ADAMTS19: variants seen among roughly 807,000 people sequenced by gnomAD.
ADAMTS19 encodes the protein A disintegrin and metalloproteinase with thrombospondin motifs 19.
A neutral mutation model predicts 153.3 loss-of-function variants in ADAMTS19; 93 were observed. The ratio of observed to expected loss-of-function variants is 0.61; its 90% confidence interval spans 0.51 to 0.72. The LOEUF (loss-of-function observed/expected upper bound fraction) is 0.72. ADAMTS19 is among the 30% of genes least tolerant of loss of function. The pLI is 0.00. For missense variants in ADAMTS19, 1,482 were observed against 1,552.1 expected, an observed-to-expected ratio of 0.95 and a Z score of 0.76; for synonymous variants, 600 against 556.6, an observed-to-expected ratio of 1.08 and a Z score of -1.10.
intron 16 of ADAMTS19, among the ~76,000 whole-genome samples, chr5:129,678,602 G>T (rs574711350): frequency 6.6e-6 from 1 of 151,946 alleles, no homozygotes; most frequent in East Asian, 1.9e-4. Flanking sequence ...GCTGTGCTCA[G>T]AAATAAACAC....
intron 14 of ADAMTS19, among the ~76,000 whole-genome samples, chr5:129,657,378 G>A (rs1187552019): frequency 1.3e-5 from 2 of 152,010 alleles, no homozygotes; most frequent in Non-Finnish European, 2.9e-5. Context: ...TAAAATAATT[G>A]GAACCTATTA....
chr5:129,518,970 A>G (rs1751700982), intron 3 of ADAMTS19, among the ~76,000 whole-genome samples: 1 of 152,106 alleles, frequency 6.6e-6, no homozygotes. Context: ...CAATTCTGCT[A>G]TTAAAAGACT....
chr5:129,674,347 A>G (rs113596150), intron 16 of ADAMTS19, among the ~76,000 whole-genome samples: 3 of 151,882 alleles, frequency 2.0e-5, no homozygotes, highest in African/African-American at 7.2e-5. Flanking sequence ...ATACTGTGAG[A>G]TTTTTCGTTT....
At chr5:129,620,959 T>A (rs1160586280) in intron 9 of ADAMTS19, among the ~76,000 whole-genome samples, 1 of 152,130 alleles carries the variant, frequency 6.6e-6, no homozygotes, top group Non-Finnish European at 1.5e-5. Flanking sequence ...ATTTCTACAT[T>A]TTTCAAAAAG....
At chr5:129,509,883 T>C (rs1751382438) in intron 3 of ADAMTS19, among the ~76,000 whole-genome samples, 2 of 151,902 alleles carry the variant, frequency 1.3e-5, no homozygotes, top group Admixed American at 1.3e-4. Context: ...TGTACTTTCT[T>C]ACTTCCCTTA....
intron 8 of ADAMTS19, among the ~76,000 whole-genome samples, chr5:129,611,121 T>A (rs548126391): frequency 1.1e-4 from 17 of 152,310 alleles, no homozygotes; most frequent in Middle Eastern, 3.4e-3. Flanking sequence ...CTTCACCCAC[T>A]GGTTGATGGG....
At chr5:129,487,250 A>G (rs909638736) in intron 2 of ADAMTS19, among the ~76,000 whole-genome samples, 4 of 152,124 alleles carry the variant, frequency 2.6e-5, no homozygotes, top group Non-Finnish European at 5.9e-5. Context: ...CTGCCAAGAT[A>G]TGGATAAAAA....
At chr5:129,673,663 CT>C (rs1364600430) in intron 16 of ADAMTS19, among the ~76,000 whole-genome samples, 2 of 151,920 alleles carry the variant, frequency 1.3e-5, no homozygotes, top group African/African-American at 4.8e-5. Flanking sequence ...TGGTTCTAGT[CT>C]TCTATATTCT....
At chr5:129,654,209 AT>A in intron 13 of ADAMTS19, 96 bp from the exon 14 acceptor site, 4 of 1,187,528 alleles carry the variant, frequency 3.4e-6, no homozygotes, top group Non-Finnish European at 4.6e-6. Flanking sequence ...ATTGAATTAT[AT>A]TTTTTACTCA....
intron 6 of ADAMTS19, among the ~76,000 whole-genome samples, chr5:129,538,164 C>T (rs866053400): frequency 6.6e-6 from 1 of 151,882 alleles, no homozygotes; most frequent in Non-Finnish European, 1.5e-5. Flanking sequence ...TTATAATTTT[C>T]TCTTATTACA....
intron 2 of ADAMTS19, among the ~76,000 whole-genome samples, chr5:129,468,573 C>T (rs937652051): frequency 1.3e-5 from 2 of 151,890 alleles, no homozygotes; most frequent in East Asian, 3.9e-4. Flanking sequence ...AGGATTTTCT[C>T]GATCTCTTGA....
intron 7 of ADAMTS19, among the ~76,000 whole-genome samples, chr5:129,553,004 T>C (rs1305306582): frequency 6.6e-6 from 1 of 152,118 alleles, no homozygotes; most frequent in East Asian, 1.9e-4. Flanking sequence ...ATCTTCCTAC[T>C]GTTGACTCTC....
intron 15 of ADAMTS19, among the ~76,000 whole-genome samples, chr5:129,664,557 C>T (rs1455261291): frequency 2.0e-5 from 3 of 152,026 alleles, no homozygotes; most frequent in Non-Finnish European, 4.4e-5. Flanking sequence ...GGGGTATATG[C>T]TACCTTTTGG....
Position 129,509,171 on chromosome 5 carries a change from A to T in ADAMTS19, c.842A>T (p.Gln281Leu). The change falls in exon 3 of 23, where the codon CAG (glutamine) becomes CTG (leucine). Residue 281 changes from glutamine to leucine, a missense_variant. By Grantham distance (113) the Gln-to-Leu change is moderately radical (BLOSUM62 -2). Around this residue, in one of 2 missense-constraint regions of ADAMTS19, gnomAD observed 866 missense variants for 827.7 expected, o/e 1.05. Transcript: ENST00000274487. ...GGTCACCCACACCGTGTATATAGGCAGAAAAGGTCCATGGAGGAAAAGGTC... is the reference window on the plus strand; with the variant it reads ...GGTCACCCACACCGTGTATATAGGCTGAAAAGGTCCATGGAGGAAAAGGTC... Reference protein sequence around the residue: ...ITGHPHRVYRQKRSMEEKVTE... With the variant: ...ITGHPHRVYRLKRSMEEKVTE... 6.2e-7 allele frequency: 1 copy of T among 1,612,430 alleles called. No individual in the cohort carries two copies. Among genetic ancestry groups the T allele is most frequent in the South Asian group, 1.1e-5 (1 of 91,032 alleles).
intron 10 of ADAMTS19, among the ~76,000 whole-genome samples, chr5:129,623,771 T>G (rs1751891684): frequency 6.6e-6 from 1 of 151,674 alleles, no homozygotes; most frequent in African/African-American, 2.4e-5. Context: ...AACAAATGAT[T>G]TAGAATTAAA....
chr5:129,721,049 C>G (rs140647114), intron 21 of ADAMTS19, among the ~76,000 whole-genome samples: 43 of 152,296 alleles, frequency 2.8e-4, no homozygotes, highest in Middle Eastern at 3.4e-3. Flanking sequence ...ATTCTCTTGT[C>G]TCATTTGGGC....
At chr5:129,539,165 G>GC (rs1234237860) in intron 6 of ADAMTS19, among the ~76,000 whole-genome samples, 1 of 152,060 alleles carries the variant, frequency 6.6e-6, no homozygotes, top group Non-Finnish European at 1.5e-5. Flanking sequence ...CAGTGAATAT[G>GC]CCATCTTACA....
chr5:129,711,034 T>C (rs1756432540), intron 21 of ADAMTS19, among the ~76,000 whole-genome samples: 1 of 152,124 alleles, frequency 6.6e-6, no homozygotes, highest in African/African-American at 2.4e-5. Flanking sequence ...GCAAATACAC[T>C]ACCCCAATTA....
intron 3 of ADAMTS19, among the ~76,000 whole-genome samples, chr5:129,514,003 T>A (rs930823297): frequency 6.6e-6 from 1 of 152,066 alleles, no homozygotes; most frequent in African/African-American, 2.4e-5. Context: ...TCAATAGTTT[T>A]GATTTTTAGA....
Sources: allele counts gnomAD v4.1 joint callset (sites outside exome capture counted in the v4.1 genomes callset), GRCh38; gene constraint gnomAD v4.1.1; regional missense constraint gnomAD v4.1.1; transcripts MANE v1.5; gene names NCBI Gene and HGNC (gene_info 2026-07-23, HGNC 2026-07-21).